Variants in SCUBE1 observed in about 807,000 individuals in gnomAD.
SCUBE1 encodes the protein signal peptide, CUB and EGF-like domain-containing protein 1.
SCUBE1 carries 59 observed loss-of-function variants against 124.4 expected under a neutral mutation model. The ratio of observed to expected loss-of-function variants is 0.47; its 90% confidence interval spans 0.38 to 0.59. The LOEUF (loss-of-function observed/expected upper bound fraction) is 0.59. Among genes scored for constraint, SCUBE1 ranks in the 20% least tolerant of loss-of-function variants. SCUBE1 has a pLI of 0.00. For synonymous variants in SCUBE1, 545 were observed against 550.9 expected, an observed-to-expected ratio of 0.99 and a Z score of 0.15; for missense variants, 1,150 against 1,371.2, an observed-to-expected ratio of 0.84 and a Z score of 2.55.
chr22:43,332,437 C>CGAGT (rs1926932388), intron 2 of SCUBE1, among the ~76,000 whole-genome samples: 1 of 152,160 alleles, frequency 6.6e-6, no homozygotes. Context: ...AGCAAGGGAG[C>CGAGT]GAGTCCGTGT....
At chr22:43,215,639 T>A (rs1366464017) in intron 15 of SCUBE1, among the ~76,000 whole-genome samples, 1 of 152,142 alleles carries the variant, frequency 6.6e-6, no homozygotes, top group Admixed American at 6.5e-5. Flanking sequence ...CCCTGGGCCC[T>A]GAGTCAGGTC....
At chr22:43,271,390 C>G (rs1383776532) in intron 4 of SCUBE1, among the ~76,000 whole-genome samples, 2 of 152,220 alleles carry the variant, frequency 1.3e-5, no homozygotes, top group Non-Finnish European at 2.9e-5. Flanking sequence ...CAGAAACCGT[C>G]TGATAAACAC....
intron 6 of SCUBE1, among the ~76,000 whole-genome samples, chr22:43,245,137 C>G (rs916170891): frequency 1.3e-5 from 2 of 152,254 alleles, no homozygotes; most frequent in African/African-American, 4.8e-5. Flanking sequence ...GCCTATCTCC[C>G]GAGGGGCCCT....
intron 4 of SCUBE1, among the ~76,000 whole-genome samples, chr22:43,275,350 C>T (rs994715354): frequency 3.3e-5 from 5 of 152,192 alleles, no homozygotes; most frequent in East Asian, 1.9e-4. Flanking sequence ...CTGCTCTGCA[C>T]GAGGGGTGTG....
In SCUBE1 at chr22:43,199,354, C is replaced by T. The variant is rs1920970092; in HGVS notation, c.*4643G>A. The stretch of plus-strand genomic sequence containing the variant: ...GGGACAGGCTTCACTGAGACGCTGC[C>T]TGCGGATGGTGCGTCTCTTAAGAAC... On this transcript the variant is annotated 3_prime_UTR_variant, in exon 22 of 22. Coordinates refer to ENST00000360835, the MANE Select transcript of SCUBE1 (RefSeq NM_173050.5). 2 of 153,072 alleles carry T rather than the reference C, an allele frequency of 1.3e-5. No individual in the cohort carries two copies. Among genetic ancestry groups the T allele is most frequent in the African/African-American group, 4.9e-5 (2 of 40,912 alleles). 9.5% of individuals were successfully genotyped at this position (153,072 alleles called of 1,614,324 possible).
chr22:43,224,650 C>T (rs1326970634), intron 10 of SCUBE1, among the ~76,000 whole-genome samples: 6 of 152,178 alleles, frequency 3.9e-5, no homozygotes, highest in East Asian at 1.9e-4. Context: ...TTCCTCAGGG[C>T]GCTCCTGTTC....
intron 3 of SCUBE1, among the ~76,000 whole-genome samples, chr22:43,308,913 C>T (rs1401018434): frequency 2.6e-5 from 4 of 152,270 alleles, no homozygotes; most frequent in African/African-American, 7.2e-5. Context: ...TCCCAAGTTA[C>T]AAAATAAGAA....
intron 3 of SCUBE1, among the ~76,000 whole-genome samples, chr22:43,301,204 G>A (rs1022771738): frequency 2.0e-5 from 3 of 152,240 alleles, no homozygotes; most frequent in African/African-American, 4.8e-5. Context: ...GGGCTGCCAC[G>A]GCTGGGCCAG....
chr22:43,303,614 C>T (rs1051218876), intron 3 of SCUBE1, among the ~76,000 whole-genome samples: 1 of 152,394 alleles, frequency 6.6e-6, no homozygotes, highest in South Asian at 2.1e-4. Context: ...GAGGCACTGG[C>T]ACGCTCGCAG....
rs1425438773 is a variant in SCUBE1 at position 43,198,720 on chromosome 22, C to A, written c.*5277G>T. On this transcript the variant is annotated 3_prime_UTR_variant, in exon 22 of 22. Coordinates refer to ENST00000360835, the MANE Select transcript of SCUBE1 (RefSeq NM_173050.5). ...CATGGACCAGGGGAGGTGAAAATGG[C>A]TGGACTCCCTGGGTGAGAAGGAAGG... 4.4e-6 allele frequency: 2 copies of A among 456,680 alleles called. No homozygotes were observed. The allele number at this position is 456,680 out of a possible 1,614,324, so 28.3% of individuals were successfully genotyped here. A position where few individuals can be genotyped will look rare whatever the true frequency, so the allele number is the denominator to read the frequency against.
intron 7 of SCUBE1, among the ~76,000 whole-genome samples, chr22:43,233,935 C>T (rs1412834069): frequency 1.3e-5 from 2 of 151,742 alleles, no homozygotes; most frequent in African/African-American, 4.8e-5. Context: ...GGTATCATCT[C>T]GTGTGACCTT....
rs548771727 is a variant in SCUBE1, at chr22:43,255,893, C to T, written c.727+2326G>A. On this transcript the variant is annotated intron_variant, in intron 6 of 21. Coordinates refer to ENST00000360835, the MANE Select transcript of SCUBE1 (RefSeq NM_173050.5). This position sits in a 1 kb window ranked among gnomAD's most constrained non-coding sequence, Gnocchi z 4.7. ...AGAAGGAGGCTGAGGTCAGGGCAGA[C>T]GGGATTCGTCCGCAGAGAGCCACAG... Among the ~76,000 whole-genome samples the T allele has an allele frequency of 6.6e-5, 10 of 152,230 alleles. No homozygotes were observed. In the East Asian group the frequency reaches 1.4e-3, roughly 21 times the overall value.
chr22:43,248,663 CCA>C (rs1269112463), intron 6 of SCUBE1, among the ~76,000 whole-genome samples: 1 of 152,244 alleles, frequency 6.6e-6, no homozygotes, highest in Non-Finnish European at 1.5e-5. Context: ...GGCAGGGAGG[CCA>C]CGACTTGAGA....
intron 1 of SCUBE1, 31 bp from the exon 2 acceptor site, chr22:43,339,266 G>A (rs775036622): frequency 6.2e-7 from 1 of 1,608,264 alleles, no homozygotes; most frequent in East Asian, 2.2e-5. Context: ...GGAATAAGAG[G>A]TAAGGTGTGG....
chr22:43,229,237 G>T, intron 8 of SCUBE1, 49 bp from the exon 9 acceptor site: 3 of 1,078,196 alleles, frequency 2.8e-6, no homozygotes, highest in Non-Finnish European at 4.3e-6. Flanking sequence ...TGAGGGAGTG[G>T]TGGGTGGGCA....
chr22:43,314,944 G>T (rs764578515), intron 3 of SCUBE1, among the ~76,000 whole-genome samples: 5 of 152,136 alleles, frequency 3.3e-5, no homozygotes, highest in Non-Finnish European at 5.9e-5. Context: ...CCTCCATCTG[G>T]ACTCCTGTCC....
chr22:43,308,502 T>C (rs530270116), intron 3 of SCUBE1, among the ~76,000 whole-genome samples: 1 of 152,326 alleles, frequency 6.6e-6, no homozygotes, highest in East Asian at 1.9e-4. Flanking sequence ...ATTTGAGCTG[T>C]TGAAGTATAA....
chr22:43,269,084 G>A (rs944465429), intron 4 of SCUBE1, among the ~76,000 whole-genome samples: 1 of 152,154 alleles, frequency 6.6e-6, no homozygotes, highest in African/African-American at 2.4e-5. Flanking sequence ...CAAGCCTGAT[G>A]AGCGGGCATC....
chr22:43,250,546 A>G (rs1233093177), intron 6 of SCUBE1, among the ~76,000 whole-genome samples: 1 of 152,194 alleles, frequency 6.6e-6, no homozygotes, highest in Non-Finnish European at 1.5e-5. Context: ...TTGGGCCTAT[A>G]TCGGACAAGG....
Sources: allele counts gnomAD v4.1 joint callset (sites outside exome capture counted in the v4.1 genomes callset), GRCh38; gene constraint gnomAD v4.1.1; non-coding constraint Gnocchi (gnomAD v3.1); transcripts MANE v1.5; gene names NCBI Gene and HGNC (gene_info 2026-07-23, HGNC 2026-07-21).